Variants in SUCLA2 observed in about 807,000 individuals in gnomAD.
The protein encoded by SUCLA2 is succinate--CoA ligase [ADP-forming] subunit beta, mitochondrial.
A neutral mutation model predicts 54.8 loss-of-function variants in SUCLA2; 30 were observed. That is an observed-to-expected ratio of 0.55 (90% CI 0.41 to 0.74). The LOEUF (loss-of-function observed/expected upper bound fraction) is 0.74. Among genes scored for constraint, SUCLA2 ranks in the 30% least tolerant of loss-of-function variants. SUCLA2 has a pLI of 0.00. For missense variants in SUCLA2, 476 were observed against 562.9 expected (o/e 0.85, Z 1.56); for synonymous variants, 172 against 188.9 (o/e 0.91, Z 0.74).
chr13:47,976,075 T>C (rs557080445), intron 4 of SUCLA2, among the ~76,000 whole-genome samples: 132 of 152,226 alleles, frequency 8.7e-4, no homozygotes, highest in African/African-American at 3.1e-3. Context: ...AGTGAGAACC[T>C]GTCTCTACAA....
chr13:47,960,826 C>G (rs1949864995), intron 6 of SUCLA2, among the ~76,000 whole-genome samples: 1 of 152,146 alleles, frequency 6.6e-6, no homozygotes, highest in Non-Finnish European at 1.5e-5. Flanking sequence ...AAGATGAACA[C>G]TCATAATGAA....
chr13:47,979,481 C>T (rs1950044367), intron 4 of SUCLA2, among the ~76,000 whole-genome samples: 3 of 151,860 alleles, frequency 2.0e-5, no homozygotes, highest in African/African-American at 7.3e-5. Context: ...ACACCGGGGC[C>T]TGTCGGGGGG....
At chr13:47,949,459 C>T (rs948775380) in intron 9 of SUCLA2, 24 bp downstream of exon 9, 1 of 1,612,964 alleles carries the variant, frequency 6.2e-7, no homozygotes. Context: ...TTAGGAACAA[C>T]TGCAAGATAC....
chr13:47,999,131 A>G (rs1190912172), intron 1 of SUCLA2, among the ~76,000 whole-genome samples: 2 of 152,190 alleles, frequency 1.3e-5, no homozygotes, highest in Non-Finnish European at 1.5e-5. Flanking sequence ...GTGGCACCTA[A>G]TTGGTTAGTT....
At chr13:47,957,542 G>A (rs1383592242) in intron 6 of SUCLA2, among the ~76,000 whole-genome samples, 1 of 152,142 alleles carries the variant, frequency 6.6e-6, no homozygotes, top group African/African-American at 2.4e-5. Context: ...TGCCTCATTA[G>A]AACTGCCTTT....
At chr13:48,000,871 A>G in intron 1 of SUCLA2, 1 of 1,206,810 alleles carries the variant, frequency 8.3e-7, no homozygotes, top group Non-Finnish European at 1.0e-6. Flanking sequence ...GGCAGCAGAA[A>G]ATGTCCTGAC....
chr13:47,975,849 A>C (rs1950007750), intron 4 of SUCLA2, among the ~76,000 whole-genome samples: 1 of 152,196 alleles, frequency 6.6e-6, no homozygotes, highest in African/African-American at 2.4e-5. Flanking sequence ...CATGCCAGAA[A>C]GATTGACAAT....
chr13:48,000,812 C>T (rs927010911), intron 1 of SUCLA2: 3 of 1,083,284 alleles, frequency 2.8e-6, no homozygotes, highest in Non-Finnish European at 2.3e-6. Flanking sequence ...TCCCCCCTGC[C>T]CAAAAAGGGG....
rs551329659 is a variant in SUCLA2 at position 47,964,771 on chromosome 13, G to A, written c.802+3824C>T. On this transcript the variant is annotated intron_variant, in intron 6 of 10. Transcript: ENST00000646932. ...GCTTGGGAGGCTGAGGCAGGAGAAC[G>A]GCATGAACCTGGGAGGCGGAGCTTG... is the stretch of plus-strand genomic sequence containing the variant. Among the ~76,000 whole-genome samples, 16 of 152,096 alleles carry A rather than the reference G, an allele frequency of 1.1e-4. No individual in the cohort carries two copies. The South Asian group carries it at 1.7e-3, about 16-fold the overall frequency.
chr13:47,974,500 T>C (rs777815507), intron 4 of SUCLA2, among the ~76,000 whole-genome samples: 35 of 152,276 alleles, frequency 2.3e-4, no homozygotes, highest in Middle Eastern at 3.4e-3. Context: ...AATGGGACGA[T>C]GGCTTGAGAC....
intron 6 of SUCLA2, among the ~76,000 whole-genome samples, chr13:47,965,109 G>A (rs1318847516): frequency 6.6e-6 from 1 of 151,848 alleles, no homozygotes; most frequent in Non-Finnish European, 1.5e-5. Context: ...GAATGGATGA[G>A]CCCATCCTGA....
intron 2 of SUCLA2, among the ~76,000 whole-genome samples, chr13:47,989,353 G>T (rs1176707883): frequency 1.3e-5 from 2 of 152,020 alleles, no homozygotes; most frequent in African/African-American, 4.8e-5. Context: ...TGGGACTACA[G>T]GCGCCCGCCA....
At chr13:47,970,105 C>T (rs896100980) in intron 5 of SUCLA2, among the ~76,000 whole-genome samples, 5 of 76,544 alleles carry the variant, frequency 6.5e-5, no homozygotes, top group Admixed American at 1.2e-4. Flanking sequence ...CTGTCTCCCC[C>T]CCACAAAAAA....
intron 4 of SUCLA2, among the ~76,000 whole-genome samples, chr13:47,981,571 C>G (rs1950060400): frequency 6.6e-6 from 1 of 152,210 alleles, no homozygotes. Context: ...ATTCCCAGCA[C>G]TTTGGGAGGC....
At chr13:47,967,314 C>G (rs1289029867) in intron 6 of SUCLA2, among the ~76,000 whole-genome samples, 1 of 151,984 alleles carries the variant, frequency 6.6e-6, no homozygotes, top group East Asian at 1.9e-4. Context: ...ATAAAGTTCT[C>G]ACTGCAGAAC....
At chr13:47,988,405 TATC>T (rs1490184181) in intron 4 of SUCLA2, 133 bp downstream of exon 4, 1 of 967,162 alleles carries the variant, frequency 1.0e-6, no homozygotes, top group Non-Finnish European at 1.5e-6. Context: ...ATGACATAAA[TATC>T]ATGCTCATGA....
chr13:47,955,333 C>T (rs1782697068), intron 6 of SUCLA2, among the ~76,000 whole-genome samples: 1 of 152,136 alleles, frequency 6.6e-6, no homozygotes, highest in South Asian at 2.1e-4. Context: ...TTCCGAGTAG[C>T]TGGGAATACA....
intron 4 of SUCLA2, chr13:47,988,135 G>T (rs1173756221): frequency 1.1e-5 from 2 of 183,180 alleles, no homozygotes; most frequent in African/African-American, 2.4e-5. Flanking sequence ...ACAAACCCAA[G>T]AAGTTGAGAA....
At chr13:47,971,032 T>A (rs1029045981) in intron 5 of SUCLA2, among the ~76,000 whole-genome samples, 25 of 150,872 alleles carry the variant, frequency 1.7e-4, no homozygotes, top group East Asian at 5.9e-4. Flanking sequence ...CGAGACTCCG[T>A]CTCAAAAAAA....
Sources: allele counts gnomAD v4.1 joint callset (sites outside exome capture counted in the v4.1 genomes callset), GRCh38; gene constraint gnomAD v4.1.1; transcripts MANE v1.5; gene names NCBI Gene and HGNC (gene_info 2026-07-23, HGNC 2026-07-21).